The following RELL1 variants were observed in gnomAD, a reference collection of about 807,000 sequenced individuals.
RELL1 encodes the protein RELT-like protein 1.
In RELL1, 10 loss-of-function variants were observed where a neutral mutation model predicts 23.0. The ratio of observed to expected loss-of-function variants is 0.43; its 90% confidence interval spans 0.27 to 0.74. The LOEUF (loss-of-function observed/expected upper bound fraction) is 0.74, where lower values mean the gene tolerates loss of function less well. RELL1 is among the 30% of genes least tolerant of loss of function. The pLI, the probability that RELL1 is intolerant of heterozygous loss-of-function variation, is 0.19. For synonymous variants in RELL1, 146 were observed against 146.8 expected, an observed-to-expected ratio of 0.99 and a Z score of 0.04; for missense variants, 315 against 364.4, an observed-to-expected ratio of 0.86 and a Z score of 1.10.
intron 1 of RELL1, among the ~76,000 whole-genome samples, chr4:37,682,300 C>T (rs1040555459): frequency 2.6e-5 from 4 of 152,202 alleles, no homozygotes; most frequent in Admixed American, 2.0e-4. Context: ...TTAATATACC[C>T]GCTTTCAGCA....
intron 6 of RELL1, among the ~76,000 whole-genome samples, chr4:37,624,371 AT>A (rs1230406964): frequency 6.6e-6 from 1 of 151,396 alleles, no homozygotes; most frequent in Non-Finnish European, 1.5e-5. Flanking sequence ...CTTGTTAGTA[AT>A]TTTAATTCCA....
chr4:37,635,455 G>A (rs920254659), intron 4 of RELL1, among the ~76,000 whole-genome samples: 5 of 151,922 alleles, frequency 3.3e-5, no homozygotes, highest in South Asian at 2.1e-4. Context: ...GAGAGACCTC[G>A]TCTCTGAAAA....
intron 1 of RELL1, among the ~76,000 whole-genome samples, chr4:37,661,718 A>G (rs906876621): frequency 6.6e-6 from 1 of 152,250 alleles, no homozygotes; most frequent in Non-Finnish European, 1.5e-5. Flanking sequence ...ACAGTCTCTA[A>G]GACCATCTAC....
intron 1 of RELL1, among the ~76,000 whole-genome samples, chr4:37,649,822 A>T (rs918972282): frequency 6.6e-6 from 1 of 152,280 alleles, no homozygotes; most frequent in African/African-American, 2.4e-5. Flanking sequence ...TAAACATTAC[A>T]TGTAACATTA....
intron 1 of RELL1, among the ~76,000 whole-genome samples, chr4:37,661,036 AAAAAAAC>A (rs1194592526): frequency 1.3e-5 from 2 of 151,680 alleles, no homozygotes; most frequent in African/African-American, 4.8e-5. Context: ...GTCTCAAAAA[AAAAAAAC>A]AAAAAACAAA....
intron 1 of RELL1, among the ~76,000 whole-genome samples, chr4:37,664,936 C>CT (rs1721477861): frequency 9.2e-5 from 14 of 152,114 alleles, no homozygotes; most frequent in African/African-American, 3.4e-4. Flanking sequence ...ACACAGAACT[C>CT]GCCGGAAAAC....
intron 1 of RELL1, among the ~76,000 whole-genome samples, chr4:37,668,364 C>T (rs1012081967): frequency 2.2e-4 from 34 of 152,304 alleles, no homozygotes; most frequent in African/African-American, 7.7e-4. Context: ...TGTAGGCCCG[C>T]GCCGCCACGC....
chr4:37,677,120 G>C (rs1248672507), intron 1 of RELL1, among the ~76,000 whole-genome samples: 1 of 152,218 alleles, frequency 6.6e-6, no homozygotes, highest in Non-Finnish European at 1.5e-5. Flanking sequence ...TTACTCCCAT[G>C]AGTCAGTTAG....
chr4:37,587,801 T>G (rs1440875475), downstream of RELL1, among the ~76,000 whole-genome samples: 3 of 152,102 alleles, frequency 2.0e-5, no homozygotes, highest in East Asian at 5.8e-4. Context: ...AAACCCTGTC[T>G]CTACTAAAAA....
chr4:37,607,377 T>C (rs571889637), downstream of RELL1, among the ~76,000 whole-genome samples: 1 of 152,210 alleles, frequency 6.6e-6, no homozygotes, highest in Admixed American at 6.5e-5. Context: ...TGTACTGCTT[T>C]TGCAACTCTT....
At chr4:37,659,881 A>G (rs1721260044) in intron 1 of RELL1, among the ~76,000 whole-genome samples, 1 of 152,078 alleles carries the variant, frequency 6.6e-6, no homozygotes, top group African/African-American at 2.4e-5. Context: ...TGTGCTGACC[A>G]AGATCAAGAT....
Position 37,686,335 on chromosome 4 carries a change from C to A in RELL1, c.-48G>T, listed in dbSNP as rs763063509. On this transcript the variant is annotated 5_prime_UTR_variant, in exon 1 of 7. Coordinates refer to ENST00000454158, the MANE Select transcript of RELL1 (RefSeq NM_001085400.2). ...CCCCCAGGGCGCCGCGTCCCGCGCTCGGGAAGGCAGAGCCGCTCCGGAGCC... is the reference window on the plus strand; with the variant it reads ...CCCCCAGGGCGCCGCGTCCCGCGCTAGGGAAGGCAGAGCCGCTCCGGAGCC... The A allele has an allele frequency of 7.0e-7, 1 of 1,419,826 alleles. No homozygotes were observed. The highest frequency in any genetic ancestry group is 1.4e-5 in the South Asian group (1 of 72,980). The allele number at this position is 1,419,826 out of a possible 1,614,324, so 88.0% of individuals were successfully genotyped here.
At chr4:37,604,870 C>CACACACAGACACACACACACACACAG (rs1560323871) in intron 6 of RELL1, among the ~76,000 whole-genome samples, 17 of 137,938 alleles carry the variant, frequency 1.2e-4, no homozygotes, top group African/African-American at 3.1e-4. Context: ...CACACAGACA[C>CACACACAGACACACACACACACACAG]ACACACACAT....
downstream of RELL1, among the ~76,000 whole-genome samples, chr4:37,609,498 A>G (rs759510820): frequency 6.6e-6 from 1 of 152,232 alleles, no homozygotes; most frequent in Non-Finnish European, 1.5e-5. Context: ...TTTCAAGTCT[A>G]ATTATTTAAG....
chr4:37,608,275 A>G (rs1719283019), downstream of RELL1, among the ~76,000 whole-genome samples: 1 of 152,230 alleles, frequency 6.6e-6, no homozygotes, highest in Non-Finnish European at 1.5e-5. Context: ...ATAAAAAGCT[A>G]GAAATGATTA....
intron 5 of RELL1, among the ~76,000 whole-genome samples, chr4:37,632,562 C>T (rs1046268938): frequency 2.6e-5 from 4 of 152,106 alleles, no homozygotes; most frequent in Non-Finnish European, 5.9e-5. Context: ...CAGAAGATGA[C>T]GAACTTCCGA....
intron 3 of RELL1, among the ~76,000 whole-genome samples, chr4:37,640,439 G>A (rs943165587): frequency 3.3e-5 from 5 of 152,190 alleles, no homozygotes; most frequent in South Asian, 4.2e-4. Flanking sequence ...AAATAATGTC[G>A]TTTCAGATAC....
At chr4:37,607,357 A>G (rs1719254678), downstream of RELL1, among the ~76,000 whole-genome samples, 1 of 152,234 alleles carries the variant, frequency 6.6e-6, no homozygotes, top group South Asian at 2.1e-4. Flanking sequence ...GGAAGGGTTT[A>G]CATGAACTCT....
At chr4:37,604,379 C>T (rs1020992843) in intron 6 of RELL1, among the ~76,000 whole-genome samples, 7 of 152,148 alleles carry the variant, frequency 4.6e-5, no homozygotes, top group African/African-American at 1.7e-4. Context: ...GGAATTCTAA[C>T]ATCCATCCTA....
Sources: gnomAD v4.1 joint callset for allele counts (sites outside exome capture counted in the v4.1 genomes callset) on GRCh38, gnomAD v4.1.1 for gene constraint, MANE v1.5 for transcripts, NCBI Gene and HGNC (gene_info 2026-07-23, HGNC 2026-07-21) for gene names.